The following ZZEF1 variants were observed in gnomAD, a reference collection of about 807,000 sequenced individuals.
ZZEF1 encodes zinc finger ZZ-type and EF-hand domain-containing protein 1.
A neutral mutation model predicts 342.8 loss-of-function variants in ZZEF1; 157 were observed. The observed-to-expected ratio is 0.46, with a 90% CI of 0.40 to 0.52. ZZEF1 has a LOEUF of 0.52. ZZEF1 is among the 20% of genes least tolerant of loss of function. The probability of loss-of-function intolerance (pLI) is 0.00; values close to 1 mark genes in which losing one functional copy is unlikely to be tolerated. For synonymous variants in ZZEF1, 1,505 were observed against 1,429.1 expected (o/e 1.05, Z -1.20); for missense variants, 3,480 against 3,725.6 (o/e 0.93, Z 1.72).
intron 1 of ZZEF1, among the ~76,000 whole-genome samples, chr17:4,136,437 T>C (rs2058750774): frequency 6.6e-6 from 1 of 152,014 alleles, no homozygotes; most frequent in South Asian, 2.1e-4. Flanking sequence ...CAACACTTAT[T>C]GAGCACTGAG....
chr17:4,018,919 C>T (rs2056189463), intron 46 of ZZEF1, among the ~76,000 whole-genome samples: 2 of 150,282 alleles, frequency 1.3e-5, no homozygotes, highest in East Asian at 1.9e-4. Context: ...AATGAGAACG[C>T]TGGGATTGCT....
At chr17:4,036,776 TACACACACACACACACACACACACAC>T (rs761229612) in intron 39 of ZZEF1, among the ~76,000 whole-genome samples, 1 of 99,914 alleles carries the variant, frequency 1.0e-5, no homozygotes, top group Non-Finnish European at 1.9e-5. Context: ...ATATATAGAA[TACACACACACACACACACACACACAC>T]ACACACACAC....
intron 37 of ZZEF1, among the ~76,000 whole-genome samples, chr17:4,047,123 G>A (rs2056933955): frequency 6.6e-6 from 1 of 152,092 alleles, no homozygotes; most frequent in Non-Finnish European, 1.5e-5. Flanking sequence ...GGTGGGAAGG[G>A]GACTCAAAAG....
chr17:4,139,728 C>T (rs2058811678), intron 1 of ZZEF1, among the ~76,000 whole-genome samples: 1 of 152,230 alleles, frequency 6.6e-6, no homozygotes, highest in Non-Finnish European at 1.5e-5. Context: ...GAGATTATCA[C>T]AATCAGGTTT....
chr17:4,142,698 T>G lies in ZZEF1; in HGVS notation c.198A>C (p.Thr66=), dbSNP rs1322839082. Residue 66 remains threonine (T), a synonymous_variant, in exon 1 of 55, where the codon ACA becomes ACC. Coordinates refer to ENST00000381638, the MANE Select transcript of ZZEF1 (RefSeq NM_015113.4). Reference sequence around the variant, plus strand: ...TCGACACCAGCGACTCGCAGGGGGGTGTGGGCAGCAACGCTGCAGCAGCCT... The same window carrying G: ...TCGACACCAGCGACTCGCAGGGGGGGGTGGGCAGCAACGCTGCAGCAGCCT... ...LREAAAALLP[T]PPCESLVSRH... is the part of the protein sequence containing the mutation. The G allele has an allele frequency of 1.9e-6, 3 of 1,602,860 alleles. No individual in the cohort carries two copies. The highest frequency in any genetic ancestry group is 2.5e-6 in the Non-Finnish European group (3 of 1,178,188).
chr17:4,031,775 C>T (rs76820679), intron 42 of ZZEF1, among the ~76,000 whole-genome samples: 92 of 152,246 alleles, frequency 6.0e-4, no homozygotes, highest in South Asian at 5.6e-3. Context: ...ATTTTAAGTG[C>T]AGCCACCTGA....
At chr17:4,123,284 T>TATATATATATATAC (rs2058517186) in intron 2 of ZZEF1, among the ~76,000 whole-genome samples, 2 of 95,010 alleles carry the variant, frequency 2.1e-5, no homozygotes, top group Non-Finnish European at 4.5e-5. Context: ...TATATATATA[T>TATATATATATATAC]ATATATATAT....
intron 39 of ZZEF1, among the ~76,000 whole-genome samples, chr17:4,035,439 T>C (rs1201448697): frequency 6.6e-6 from 1 of 151,212 alleles, no homozygotes; most frequent in Non-Finnish European, 1.5e-5. Flanking sequence ...AGGCAGGGGG[T>C]TGGTCTGGTG....
Position 4,064,830 on chromosome 17 carries a change from C to T in ZZEF1, c.4250-1G>A. 7.0e-7 allele frequency: 1 copy of T among 1,421,960 alleles called. No individual in the cohort carries two copies. The highest frequency in any genetic ancestry group is 2.5e-5 in the East Asian group (1 of 39,264). 88.1% of individuals were successfully genotyped at this position (1,421,960 alleles called of 1,614,324 possible). A position where few individuals can be genotyped will look rare whatever the true frequency, so the allele number is the denominator to read the frequency against. On this transcript the variant is annotated splice_acceptor_variant, in intron 28 of 54. Transcript: ENST00000381638. LOFTEE classifies it high-confidence loss of function. ...AGACTCTTCTCAATGCACTCTTTTGCTAGATGCAAACAAGAATCATAATTG... is the reference window on the plus strand; with the variant it reads ...AGACTCTTCTCAATGCACTCTTTTGTTAGATGCAAACAAGAATCATAATTG...
intron 14 of ZZEF1, 84 bp from the exon 15 acceptor site, chr17:4,086,739 TTC>T (rs2057836537): frequency 7.1e-7 from 1 of 1,398,968 alleles, no homozygotes; most frequent in East Asian, 2.3e-5. Context: ...ACAAAGGACT[TTC>T]CTCTAGGCAT....
At chr17:4,088,127 T>C (rs1235622864) in intron 13 of ZZEF1, among the ~76,000 whole-genome samples, 1 of 152,074 alleles carries the variant, frequency 6.6e-6, no homozygotes, top group African/African-American at 2.4e-5. Flanking sequence ...ACACTACACA[T>C]GCGAGGGCTC....
intron 1 of ZZEF1, among the ~76,000 whole-genome samples, chr17:4,141,878 T>C (rs971120615): frequency 3.3e-5 from 5 of 152,186 alleles, no homozygotes; most frequent in African/African-American, 9.7e-5. Context: ...ATCAATTTGC[T>C]CTCTTAATGA....
chr17:4,067,385 G>A, intron 26 of ZZEF1, 143 bp from the exon 27 acceptor site: 1 of 505,878 alleles, frequency 2.0e-6, no homozygotes, highest in Non-Finnish European at 3.3e-6. Flanking sequence ...GAGAGACTCA[G>A]GGAAAAAAAT....
intron 13 of ZZEF1, among the ~76,000 whole-genome samples, chr17:4,088,319 T>C (rs1487199342): frequency 2.0e-5 from 3 of 152,252 alleles, no homozygotes; most frequent in Non-Finnish European, 4.4e-5. Flanking sequence ...AAAATTCACC[T>C]AGACCTCAGT....
At chr17:4,062,318 T>A (rs978002989) in intron 30 of ZZEF1, among the ~76,000 whole-genome samples, 1 of 151,584 alleles carries the variant, frequency 6.6e-6, no homozygotes, top group Admixed American at 6.6e-5. Context: ...CTCCTCAATA[T>A]AATATAAAAT....
At chr17:4,029,485 A>T (rs939574953) in intron 42 of ZZEF1, among the ~76,000 whole-genome samples, 2 of 152,106 alleles carry the variant, frequency 1.3e-5, no homozygotes, top group Non-Finnish European at 2.9e-5. Flanking sequence ...AATCCAAGGG[A>T]CACCGAAAAA....
At chr17:4,058,198 CCAACAGAGG>C in intron 31 of ZZEF1, 43 bp from the exon 32 acceptor site, 1 of 1,548,792 alleles carries the variant, frequency 6.5e-7, no homozygotes, top group South Asian at 1.2e-5. Context: ...CTGCTTACTC[CCAACAGAGG>C]CAACAGAAGC....
At chr17:4,134,384 T>G (rs12453690) in intron 1 of ZZEF1, among the ~76,000 whole-genome samples, 1 of 147,000 alleles carries the variant, frequency 6.8e-6, no homozygotes, top group East Asian at 1.9e-4. Flanking sequence ...TATATAATTA[T>G]TATATAAATA....
Position 4,129,545 on chromosome 17 carries a change from G to GA in ZZEF1, c.355-5495dup, listed in dbSNP as rs574379365. Among the ~76,000 whole-genome samples, 14 of 151,738 alleles carry GA rather than the reference G, an allele frequency of 9.2e-5. No homozygotes were observed. In the South Asian group the frequency reaches 1.0e-3, roughly 11 times the overall value. ...TCCTTCAACATAAATAAGGTAAAAAGAAAAAAAAGAGGGCTGGGCACGGTG... is the reference window on the plus strand; with the variant it reads ...TCCTTCAACATAAATAAGGTAAAAAGAAAAAAAAAGAGGGCTGGGCACGGTG... On this transcript the variant is annotated intron_variant, in intron 1 of 54. Transcript: ENST00000381638.
Sources: allele counts gnomAD v4.1 joint callset (sites outside exome capture counted in the v4.1 genomes callset), GRCh38; gene constraint gnomAD v4.1.1; transcripts MANE v1.5; gene names NCBI Gene and HGNC (gene_info 2026-07-23, HGNC 2026-07-21).